The following BBX variants were observed in gnomAD, a reference collection of about 807,000 sequenced individuals.
BBX encodes the protein HMG box transcription factor BBX.
In BBX, 30 loss-of-function variants were observed where a neutral mutation model predicts 100.2. The ratio of observed to expected loss-of-function variants is 0.30; its 90% CI spans 0.22 to 0.41. The LOEUF (loss-of-function observed/expected upper bound fraction) is 0.41. Among genes scored for constraint, BBX ranks in the 10% least tolerant of loss-of-function variants. The probability of loss-of-function intolerance (pLI) is 1.00; values close to 1 mark genes in which losing one functional copy is unlikely to be tolerated. For missense variants in BBX, 1,023 were observed against 1,129.8 expected (o/e 0.91, Z 1.35); for synonymous variants, 376 against 388.1 (o/e 0.97, Z 0.37).
chr3:107,669,161 G>T lies in BBX; in HGVS notation c.-10+23252G>T, dbSNP rs145877506. The stretch of plus-strand genomic sequence containing the variant: ...AGGTAGAGGTACAATAAGAGGCTGA[G>T]TCACAGATTTAAAATTATCATTTGA... On this transcript the variant is annotated intron_variant, in intron 3 of 17. Transcript: ENST00000325805. Among the ~76,000 whole-genome samples, 19 of 152,254 alleles carry T rather than the reference G, an allele frequency of 1.2e-4. No homozygotes were observed. The East Asian group carries it at 2.7e-3, about 22-fold the overall frequency.
intron 5 of BBX, among the ~76,000 whole-genome samples, chr3:107,722,268 A>G (rs1013879821): frequency 6.6e-6 from 1 of 152,040 alleles, no homozygotes. Flanking sequence ...TGAGAATTTA[A>G]ACTGCGTCTC....
chr3:107,734,053 C>A (rs2063487573), intron 7 of BBX, among the ~76,000 whole-genome samples: 1 of 152,092 alleles, frequency 6.6e-6, no homozygotes, highest in Non-Finnish European at 1.5e-5. Flanking sequence ...GGCCAAATAG[C>A]AATGACTCAA....
intron 2 of BBX, among the ~76,000 whole-genome samples, chr3:107,635,094 C>T (rs1354292964): frequency 1.3e-5 from 2 of 151,838 alleles, no homozygotes; most frequent in African/African-American, 4.8e-5. Flanking sequence ...ATACCCAACT[C>T]TTGGGTTCCT....
At chr3:107,591,276 A>G (rs757527905) in intron 2 of BBX, among the ~76,000 whole-genome samples, 4 of 152,200 alleles carry the variant, frequency 2.6e-5, no homozygotes, top group South Asian at 2.1e-4. Context: ...AAGTTTTCCA[A>G]TAAGCTCCTT....
intron 2 of BBX, among the ~76,000 whole-genome samples, chr3:107,603,899 G>A (rs1214164099): frequency 1.3e-5 from 2 of 151,968 alleles, no homozygotes; most frequent in African/African-American, 4.8e-5. Context: ...ATATAGTACA[G>A]TATCGTGTAA....
intron 3 of BBX, among the ~76,000 whole-genome samples, chr3:107,653,995 C>T (rs929856745): frequency 2.0e-5 from 3 of 152,110 alleles, no homozygotes; most frequent in Non-Finnish European, 2.9e-5. Flanking sequence ...CATGAAACTC[C>T]GTCCATGCCT....
chr3:107,659,440 A>G (rs1277167267), intron 3 of BBX: 1 of 158,396 alleles, frequency 6.3e-6, no homozygotes, highest in Non-Finnish European at 1.4e-5. Context: ...ATTCATTGGT[A>G]GCATACATCT....
chr3:107,681,881 A>G (rs750365304), intron 3 of BBX, among the ~76,000 whole-genome samples: 1 of 152,114 alleles, frequency 6.6e-6, no homozygotes, highest in East Asian at 1.9e-4. Flanking sequence ...GGCTATAAAT[A>G]TAAATTTCCA....
intron 13 of BBX, among the ~76,000 whole-genome samples, chr3:107,786,532 A>G (rs2068445540): frequency 6.6e-6 from 1 of 152,198 alleles, no homozygotes; most frequent in African/African-American, 2.4e-5. Context: ...AAGGGTGCCA[A>G]GAATATCCAA....
intron 2 of BBX, among the ~76,000 whole-genome samples, chr3:107,622,638 C>T (rs1416742675): frequency 1.3e-5 from 2 of 152,132 alleles, no homozygotes; most frequent in East Asian, 1.9e-4. Flanking sequence ...GTAGTTTCAA[C>T]ATCTGTGTCA....
chr3:107,647,980 G>C (rs746091195), intron 3 of BBX, among the ~76,000 whole-genome samples: 2 of 152,172 alleles, frequency 1.3e-5, no homozygotes, highest in Non-Finnish European at 2.9e-5. Context: ...TAATTGGCTA[G>C]AGCATGTCAC....
Position 107,778,390 on chromosome 3 carries a change from G to C in BBX, c.2074G>C (p.Glu692Gln), listed in dbSNP as rs1392881262. ...CLLGSAKLDE[E>Q]FEKKFNSLPQ... The stretch of plus-strand genomic sequence containing the variant: ...TAATAGCTCCGCAAAGCTGGATGAA[G>C]AATTTGAAAAAAAATTCAACAGCCT... The change falls in exon 13 of 18, where the codon GAA becomes CAA. Residue 692 changes from glutamate to glutamine, a missense_variant. Coordinates refer to ENST00000325805, the MANE Select transcript of BBX (RefSeq NM_001142568.3). 5 of 1,613,096 alleles carry C rather than the reference G, an allele frequency of 3.1e-6. No individual in the cohort carries two copies. In the African/African-American group the frequency reaches 4.0e-5, roughly 13 times the overall value.
In BBX at chr3:107,542,300, T is replaced by C. The variant is rs1293222880; in HGVS notation, c.-84+15902T>C. 2.0e-5 allele frequency among the ~76,000 whole-genome samples: 3 copies of C among 152,330 alleles called. No homozygotes were observed. In the East Asian group the frequency reaches 5.8e-4, roughly 29 times the overall value. On this transcript the variant is annotated intron_variant, in intron 2 of 17. Coordinates refer to ENST00000325805, the MANE Select transcript of BBX (RefSeq NM_001142568.3). Reference sequence around the variant, plus strand: ...TTTAAGATTTGACACAAAAGCGGTTTATTTTAGAATGTTTATTTCTATAGA... The same window carrying C: ...TTTAAGATTTGACACAAAAGCGGTTCATTTTAGAATGTTTATTTCTATAGA...
At chr3:107,620,942 GT>G (rs1403252627) in intron 2 of BBX, among the ~76,000 whole-genome samples, 58 of 147,124 alleles carry the variant, frequency 3.9e-4, no homozygotes, top group Admixed American at 1.7e-3. Flanking sequence ...GAGTGTGTGT[GT>G]GGGGGGGTGG....
At chr3:107,533,800 T>G (rs1480702636) in intron 2 of BBX, among the ~76,000 whole-genome samples, 2 of 152,216 alleles carry the variant, frequency 1.3e-5, no homozygotes, top group Non-Finnish European at 2.9e-5. Flanking sequence ...TTATATTTCC[T>G]TTATTATACT....
At chr3:107,608,373 C>T (rs1428866995) in intron 2 of BBX, among the ~76,000 whole-genome samples, 1 of 152,048 alleles carries the variant, frequency 6.6e-6, no homozygotes, top group Non-Finnish European at 1.5e-5. Flanking sequence ...AAAATGAGTT[C>T]ACCATAGATG....
At chr3:107,778,560 C>T in intron 13 of BBX, 41 bp downstream of exon 13, 1 of 1,596,328 alleles carries the variant, frequency 6.3e-7, no homozygotes, top group Non-Finnish European at 8.5e-7. Context: ...TGGTCAGAAT[C>T]TCAAGTGACC....
At position 107,706,922 on chromosome 3, in the gene BBX, C is replaced by T. The variant is rs137913273; in HGVS notation, c.-9-3530C>T. ...ATGATTCTCTCTTGCTTTCTCATTA[C>T]TTCTGAATCATAATCAGGAACATCA... On this transcript the variant is annotated intron_variant, in intron 3 of 17. Coordinates refer to ENST00000325805, the MANE Select transcript of BBX (RefSeq NM_001142568.3). Among the ~76,000 whole-genome samples, 155 of 152,252 alleles carry T rather than the reference C, an allele frequency of 1.0e-3. 2 individuals carry two copies. In the East Asian group the frequency reaches 0.027, roughly 26 times the overall value.
At chr3:107,569,215 C>A (rs948814424) in intron 2 of BBX, among the ~76,000 whole-genome samples, 2 of 152,118 alleles carry the variant, frequency 1.3e-5, no homozygotes, top group South Asian at 2.1e-4. Context: ...TTCTTGATAT[C>A]CTACTTCCTT....
Sources: allele counts gnomAD v4.1 joint callset (sites outside exome capture counted in the v4.1 genomes callset), GRCh38; gene constraint gnomAD v4.1.1; transcripts MANE v1.5; gene names NCBI Gene and HGNC (gene_info 2026-07-23, HGNC 2026-07-21).